The following KIAA1549L variants were observed in gnomAD, a reference collection of about 807,000 sequenced individuals.
KIAA1549L encodes UPF0606 protein KIAA1549L.
KIAA1549L carries 88 observed loss-of-function variants against 160.7 expected under a neutral mutation model. The observed-to-expected ratio is 0.55, with a 90% CI of 0.46 to 0.65. The LOEUF (loss-of-function observed/expected upper bound fraction) is 0.65. Among genes scored for constraint, KIAA1549L ranks in the 30% least tolerant of loss-of-function variants. The pLI is 0.00. For synonymous variants in KIAA1549L, 950 were observed against 976.7 expected (o/e 0.97, Z 0.51); for missense variants, 2,258 against 2,437.5 (o/e 0.93, Z 1.55).
intron 1 of KIAA1549L, among the ~76,000 whole-genome samples, chr11:33,393,664 C>T (rs1287654472): frequency 6.6e-6 from 1 of 152,102 alleles, no homozygotes; most frequent in African/African-American, 2.4e-5. Flanking sequence ...ATGTTGCCTC[C>T]CGGGCATAGA....
chr11:33,637,580 T>A (rs532830248), intron 16 of KIAA1549L, among the ~76,000 whole-genome samples: 73 of 152,352 alleles, frequency 4.8e-4, no homozygotes, highest in Admixed American at 1.4e-3. Context: ...ACAACAGACA[T>A]TTATTTTCTC....
Position 33,559,905 on chromosome 11 carries a change from G to A in KIAA1549L, c.4012G>A (p.Ala1338Thr), listed in dbSNP as rs1854785138. The change falls in exon 7 of 21, where the codon GCT becomes ACT. Residue 1338 changes from alanine to threonine, a missense_variant. Physicochemically the swap from Ala to Thr is moderately conservative, Grantham distance 58 (BLOSUM62 0). Transcript: ENST00000658780. ...CCTCACCTATCCGCCGCTAACCATT[G>A]CTGAACGTGAGTATGGCCATGCCTA... ...FYLTYPPLTI[A>T]EPLEYPNLDI... 6.2e-7 allele frequency: 1 copy of A among 1,613,918 alleles called. No homozygotes were observed. Among genetic ancestry groups the A allele is most frequent in the South Asian group, 1.1e-5 (1 of 91,074 alleles).
rs1283115400 is a variant in KIAA1549L, at chr11:33,530,434, AAAATATATATATATATATATATATAT to A, written c.239-11366_239-11341del. 7.0e-3 allele frequency among the ~76,000 whole-genome samples: 48 copies of A among 6,866 alleles called. 4 individuals are homozygous for A. The highest frequency in any genetic ancestry group is 0.027 in the African/African-American group (43 of 1,592). 4.5% of individuals were successfully genotyped at this position (6,866 alleles called of 152,430 possible). ...AGAAGGAAAAAAAAAAAAAAAAAAA[AAAATATATATATATATATATATATAT>A]ATATATATATATATATATATATATG... On this transcript the variant is annotated intron_variant, in intron 1 of 20. Transcript: ENST00000658780.
chr11:33,405,699 A>G (rs574034146), intron 1 of KIAA1549L, among the ~76,000 whole-genome samples: 2 of 151,936 alleles, frequency 1.3e-5, no homozygotes, highest in East Asian at 3.9e-4. Flanking sequence ...AAAATTAGCC[A>G]GGCGTGGTGG....
chr11:33,471,733 C>G (rs1036874118), intron 1 of KIAA1549L, among the ~76,000 whole-genome samples: 1 of 152,230 alleles, frequency 6.6e-6, no homozygotes, highest in Non-Finnish European at 1.5e-5. Flanking sequence ...CACATGTTGA[C>G]TCACAGCAAA....
Position 33,586,741 on chromosome 11 carries a change from G to A in KIAA1549L, c.4566+3240G>A, listed in dbSNP as rs1849889658. ...TACTATCTGTAGGATACTATCTATA[G>A]GATACCTATAGGATAACTTACCCAG... On this transcript the variant is annotated intron_variant, in intron 11 of 20. Coordinates refer to ENST00000658780, the MANE Select transcript of KIAA1549L (RefSeq NM_012194.3). Among the ~76,000 whole-genome samples, 5 of 152,020 alleles carry A rather than the reference G, an allele frequency of 3.3e-5. No individual in the cohort carries two copies. The South Asian group carries it at 1.0e-3, about 32-fold the overall frequency.
chr11:33,397,933 T>C (rs1227940457), intron 1 of KIAA1549L, among the ~76,000 whole-genome samples: 1 of 148,296 alleles, frequency 6.7e-6, no homozygotes, highest in Non-Finnish European at 1.5e-5. Flanking sequence ...TTTTTTTTTT[T>C]TTCTTTTTTT....
chr11:33,412,639 A>G (rs772292121), intron 1 of KIAA1549L, among the ~76,000 whole-genome samples: 1 of 152,238 alleles, frequency 6.6e-6, no homozygotes, highest in African/African-American at 2.4e-5. Context: ...CATTTGCTCT[A>G]TGACTGATGG....
intron 2 of KIAA1549L, among the ~76,000 whole-genome samples, 178 bp downstream of exon 2, chr11:33,544,514 C>T (rs1161689000): frequency 2.6e-5 from 4 of 152,190 alleles, no homozygotes; most frequent in Non-Finnish European, 5.9e-5. Context: ...ATCCTGTGCC[C>T]ACCTGAGCTT....
At chr11:33,462,442 T>G (rs1366062096) in intron 1 of KIAA1549L, among the ~76,000 whole-genome samples, 1 of 152,218 alleles carries the variant, frequency 6.6e-6, no homozygotes, top group East Asian at 1.9e-4. Context: ...TTCCTTTTAG[T>G]TTTGTGCAGA....
At chr11:33,432,359 T>G (rs963836079) in intron 1 of KIAA1549L, among the ~76,000 whole-genome samples, 9 of 152,212 alleles carry the variant, frequency 5.9e-5, no homozygotes, top group Non-Finnish European at 8.8e-5. Flanking sequence ...TGACTTACAA[T>G]TAGGATTTGG....
intron 1 of KIAA1549L, among the ~76,000 whole-genome samples, chr11:33,433,781 C>T (rs1851299626): frequency 6.6e-6 from 1 of 152,166 alleles, no homozygotes; most frequent in African/African-American, 2.4e-5. Flanking sequence ...AGATCATGTT[C>T]TTTGCAGAGA....
intron 1 of KIAA1549L, among the ~76,000 whole-genome samples, chr11:33,538,747 A>G (rs923801821): frequency 1.3e-5 from 2 of 152,232 alleles, no homozygotes; most frequent in Non-Finnish European, 2.9e-5. Context: ...AAATATAGAT[A>G]CTTCCATATA....
intron 11 of KIAA1549L, among the ~76,000 whole-genome samples, chr11:33,590,931 T>C (rs75954047): frequency 0.043 from 6,599 of 152,302 alleles, 483 homozygotes; most frequent in African/African-American, 0.15. Flanking sequence ...GCAGCATCCA[T>C]TGACTTAAAA....
At chr11:33,535,392 G>C (rs1001190764) in intron 1 of KIAA1549L, among the ~76,000 whole-genome samples, 5 of 152,150 alleles carry the variant, frequency 3.3e-5, no homozygotes, top group African/African-American at 1.2e-4. Context: ...TCACAGGTTG[G>C]CTGGGCATGG....
chr11:33,555,084 T>A (rs1854603524), intron 6 of KIAA1549L, among the ~76,000 whole-genome samples: 1 of 141,002 alleles, frequency 7.1e-6, no homozygotes, highest in African/African-American at 2.7e-5. Context: ...TAAGTATACA[T>A]CAAGAATGAC....
At chr11:33,579,201 A>T (rs1157906440) in intron 10 of KIAA1549L, among the ~76,000 whole-genome samples, 3 of 152,178 alleles carry the variant, frequency 2.0e-5, no homozygotes, top group Non-Finnish European at 2.9e-5. Flanking sequence ...AGAGCTACAT[A>T]GGAGATTAAA....
chr11:33,612,277 A>G (rs933187451), intron 15 of KIAA1549L, among the ~76,000 whole-genome samples: 1 of 152,232 alleles, frequency 6.6e-6, no homozygotes, highest in African/African-American at 2.4e-5. Context: ...TTTATCTGCT[A>G]TCACAGGTTA....
At chr11:33,492,683 G>C (rs1852709209) in intron 1 of KIAA1549L, among the ~76,000 whole-genome samples, 1 of 152,088 alleles carries the variant, frequency 6.6e-6, no homozygotes. Context: ...GTGCTGCATA[G>C]GTCACTGTGT....
Sources: allele counts gnomAD v4.1 joint callset (sites outside exome capture counted in the v4.1 genomes callset), GRCh38; gene constraint gnomAD v4.1.1; transcripts MANE v1.5; gene names NCBI Gene and HGNC (gene_info 2026-07-23, HGNC 2026-07-21).